The following PDE1A variants were observed in gnomAD, a reference collection of about 807,000 sequenced individuals.
PDE1A encodes the protein dual specificity calcium/calmodulin-dependent 3',5'-cyclic nucleotide phosphodiesterase 1A.
A neutral mutation model predicts 61.7 loss-of-function variants in PDE1A; 35 were observed. The ratio of observed to expected loss-of-function variants is 0.57; its 90% confidence interval spans 0.43 to 0.75. PDE1A has a LOEUF of 0.75. PDE1A is among the 30% of genes least tolerant of loss of function. PDE1A has a pLI of 0.00. For missense variants in PDE1A, 597 were observed against 630.6 expected (o/e 0.95, Z 0.57); for synonymous variants, 232 against 213.2 (o/e 1.09, Z -0.77).
intron 1 of PDE1A, among the ~76,000 whole-genome samples, chr2:182,361,406 AT>A (rs773418949): frequency 6.6e-6 from 1 of 152,012 alleles, no homozygotes; most frequent in Non-Finnish European, 1.5e-5. Context: ...TTTTGCTAAC[AT>A]TTTTTCCCCA....
rs182564571 is a variant in PDE1A at position 182,201,678 on chromosome 2, C to T, written c.1004+10G>A. 2 of 1,444,830 alleles carry T rather than the reference C, an allele frequency of 1.4e-6. No homozygotes were observed. The highest frequency in any genetic ancestry group is 1.5e-5 in the African/African-American group (1 of 68,644). 89.5% of individuals were successfully genotyped at this position (1,444,830 alleles called of 1,614,324 possible). A position where few individuals can be genotyped will look rare whatever the true frequency, so the allele number is the denominator to read the frequency against. ...AAAAAAAAAAACAACAAAAAAAACA[C>T]AAAACCTACCCTTCAGGCTGCTGCA... On this transcript the variant is annotated intron_variant, in intron 9 of 13. Coordinates refer to ENST00000351439, the Ensembl canonical transcript of PDE1A.
At chr2:182,480,678 T>C (rs1186690878) in intron 2 of PDE1A, among the ~76,000 whole-genome samples, 1 of 151,954 alleles carries the variant, frequency 6.6e-6, no homozygotes. Context: ...GTAGGTTATA[T>C]GCAAATACTA....
intron 13 of PDE1A, among the ~76,000 whole-genome samples, chr2:182,157,863 C>T (rs1434048757): frequency 6.6e-6 from 1 of 152,182 alleles, no homozygotes; most frequent in African/African-American, 2.4e-5. Flanking sequence ...TAGCTTGAAG[C>T]CACCAAATCT....
chr2:182,373,425 C>A (rs752678216), intron 1 of PDE1A, among the ~76,000 whole-genome samples: 5 of 152,110 alleles, frequency 3.3e-5, no homozygotes, highest in Non-Finnish European at 5.9e-5. Flanking sequence ...TCAGTACAAC[C>A]ACATATCTTA....
At chr2:182,373,911 A>C (rs868011709) in intron 1 of PDE1A, among the ~76,000 whole-genome samples, 1 of 152,228 alleles carries the variant, frequency 6.6e-6, no homozygotes, top group African/African-American at 2.4e-5. Flanking sequence ...GAGTTGCCAA[A>C]TCATGTGCAA....
chr2:182,239,039 T>C (rs1430268171), intron 3 of PDE1A, among the ~76,000 whole-genome samples: 1 of 152,204 alleles, frequency 6.6e-6, no homozygotes, highest in African/African-American at 2.4e-5. Flanking sequence ...TTTAATTTGA[T>C]GCTAGAGAAA....
chr2:182,308,954 T>C (rs1695782364), intron 1 of PDE1A, among the ~76,000 whole-genome samples: 1 of 151,918 alleles, frequency 6.6e-6, no homozygotes, highest in South Asian at 2.1e-4. Context: ...CCTATGTCCT[T>C]ATTTCTACAA....
At chr2:182,572,838 C>T in the PDE1A span, among the ~76,000 whole-genome samples, 2 of 136,792 alleles carry the variant, frequency 1.5e-5, no homozygotes, top group South Asian at 2.2e-4. Flanking sequence ...CACTGCACTC[C>T]AGTCTGGGCG....
chr2:182,460,907 A>T (rs2125763298), intron 2 of PDE1A, among the ~76,000 whole-genome samples: 1 of 152,280 alleles, frequency 6.6e-6, no homozygotes, highest in East Asian at 1.9e-4. Context: ...TAGCATTCTT[A>T]TTTAACCCAC....
chr2:182,546,229 A>G, the PDE1A span, among the ~76,000 whole-genome samples: 2 of 152,216 alleles, frequency 1.3e-5, no homozygotes, highest in Non-Finnish European at 2.9e-5. Flanking sequence ...AAGTGCCAAG[A>G]GTCCAGCCTG....
At chr2:182,603,562 C>T in the PDE1A span, among the ~76,000 whole-genome samples, 2 of 152,304 alleles carry the variant, frequency 1.3e-5, no homozygotes, top group East Asian at 3.9e-4. Flanking sequence ...GTTGGCCAGG[C>T]TGGTCTTGAA....
At chr2:182,334,071 A>C in intron 1 of PDE1A, among the ~76,000 whole-genome samples, 1 of 152,158 alleles carries the variant, frequency 6.6e-6, no homozygotes, top group East Asian at 1.9e-4. Context: ...CAAGTTATGA[A>C]ATTGAGGCAG....
chr2:182,644,485 T>G, the PDE1A span, among the ~76,000 whole-genome samples: 3 of 152,034 alleles, frequency 2.0e-5, no homozygotes, highest in Non-Finnish European at 4.4e-5. Flanking sequence ...TAGCAAAAAT[T>G]CTACATTAGA....
chr2:182,301,734 T>G (rs1695257583), intron 1 of PDE1A, among the ~76,000 whole-genome samples: 1 of 152,238 alleles, frequency 6.6e-6, no homozygotes, highest in Non-Finnish European at 1.5e-5. Flanking sequence ...GGGGACTCAC[T>G]GAGGAGCTCT....
At chr2:182,208,435 G>GGA (rs1324371437) in intron 7 of PDE1A, among the ~76,000 whole-genome samples, 1 of 152,100 alleles carries the variant, frequency 6.6e-6, no homozygotes, top group Non-Finnish European at 1.5e-5. Flanking sequence ...GAACAGCATG[G>GGA]GAGAAGCTGT....
At chr2:182,575,296 A>AC in the PDE1A span, among the ~76,000 whole-genome samples, 1 of 151,652 alleles carries the variant, frequency 6.6e-6, no homozygotes, top group African/African-American at 2.4e-5. Flanking sequence ...TCTCTTCCTT[A>AC]CCTCCATTGT....
the PDE1A span, among the ~76,000 whole-genome samples, chr2:182,643,540 A>G: frequency 2.6e-5 from 4 of 152,144 alleles, no homozygotes; most frequent in Non-Finnish European, 5.9e-5. Flanking sequence ...TTGCTCTACA[A>G]CAAATGGTAT....
chr2:182,545,795 TTC>T, the PDE1A span, among the ~76,000 whole-genome samples: 2 of 152,214 alleles, frequency 1.3e-5, no homozygotes, highest in Non-Finnish European at 2.9e-5. Flanking sequence ...GAGTTTATAC[TTC>T]TGTTTCTACA....
chr2:182,238,703 T>G (rs1012984385), intron 3 of PDE1A, among the ~76,000 whole-genome samples: 1 of 152,240 alleles, frequency 6.6e-6, no homozygotes, highest in South Asian at 2.1e-4. Flanking sequence ...TCTTAGCACA[T>G]TGATTTCTTA....
Sources: allele counts gnomAD v4.1 joint callset (sites outside exome capture counted in the v4.1 genomes callset), GRCh38; gene constraint gnomAD v4.1.1; transcripts MANE v1.5; gene names NCBI Gene and HGNC (gene_info 2026-07-23, HGNC 2026-07-21).